PLXNC1: variants seen among roughly 807,000 people sequenced by gnomAD.
PLXNC1 encodes plexin-C1.
Under a neutral mutation model 178.2 loss-of-function variants are expected in PLXNC1, and 75 were observed. The observed-to-expected ratio is 0.42, with a 90% CI of 0.35 to 0.51. The LOEUF (loss-of-function observed/expected upper bound fraction) is 0.51. Ranked by LOEUF, PLXNC1 falls within the 20% of genes least tolerant of loss-of-function variation. PLXNC1 has a pLI of 0.02. For missense variants in PLXNC1, 1,503 were observed against 1,984.4 expected (o/e 0.76, Z 4.61); for synonymous variants, 790 against 779.9 (o/e 1.01, Z -0.22).
At chr12:94,169,722 A>T (rs1416840784) in intron 2 of PLXNC1, among the ~76,000 whole-genome samples, 1 of 152,222 alleles carries the variant, frequency 6.6e-6, no homozygotes, top group East Asian at 1.9e-4. Context: ...AAGAAAAAAC[A>T]GGTGTTCTTT....
chr12:94,246,922 C>T (rs1164195497), intron 12 of PLXNC1, among the ~76,000 whole-genome samples: 1 of 152,078 alleles, frequency 6.6e-6, no homozygotes, highest in East Asian at 1.9e-4. Context: ...AATAGTTTTT[C>T]CCACCTGATA....
chr12:94,212,722 C>CTTTTCT (rs1555199736), intron 5 of PLXNC1, among the ~76,000 whole-genome samples: 7 of 136,164 alleles, frequency 5.1e-5, no homozygotes, highest in African/African-American at 1.4e-4. Flanking sequence ...CTTTTCTTTT[C>CTTTTCT]TTTTTTTTTT....
intron 9 of PLXNC1, among the ~76,000 whole-genome samples, chr12:94,235,026 G>T (rs1340032014): frequency 1.3e-5 from 2 of 152,086 alleles, no homozygotes; most frequent in Admixed American, 1.3e-4. Context: ...TATTTATTTA[G>T]GAGGGTCCTC....
chr12:94,188,475 C>T (rs901516358), intron 4 of PLXNC1, among the ~76,000 whole-genome samples: 4 of 151,978 alleles, frequency 2.6e-5, no homozygotes, highest in Non-Finnish European at 4.4e-5. Flanking sequence ...CGGTACGTGC[C>T]ACCATGCCCG....
At chr12:94,191,254 C>T (rs748582918) in intron 4 of PLXNC1, among the ~76,000 whole-genome samples, 1 of 152,164 alleles carries the variant, frequency 6.6e-6, no homozygotes, top group Admixed American at 6.5e-5. Context: ...AGTCTCATAT[C>T]TGTGACTCAT....
At chr12:94,191,820 GAT>G (rs1425795334) in intron 4 of PLXNC1, among the ~76,000 whole-genome samples, 2 of 151,496 alleles carry the variant, frequency 1.3e-5, no homozygotes, top group African/African-American at 4.9e-5. Flanking sequence ...AAAGCAATTA[GAT>G]AAACAATGAG....
At chr12:94,163,622 G>C (rs1477599125) in intron 1 of PLXNC1, among the ~76,000 whole-genome samples, 1 of 151,942 alleles carries the variant, frequency 6.6e-6, no homozygotes, top group Non-Finnish European at 1.5e-5. Context: ...GAGGGGAGAG[G>C]GTAGAAGGAG....
intron 5 of PLXNC1, among the ~76,000 whole-genome samples, chr12:94,212,306 GAC>G (rs1383070822): frequency 1.4e-5 from 2 of 145,340 alleles, no homozygotes; most frequent in African/African-American, 5.1e-5. Flanking sequence ...AAATAGAAAA[GAC>G]ACAGAAATAA....
chr12:94,291,615 C>A (rs1267823249), intron 23 of PLXNC1, among the ~76,000 whole-genome samples: 1 of 152,252 alleles, frequency 6.6e-6, no homozygotes, highest in East Asian at 1.9e-4. Flanking sequence ...AATTGAGCAA[C>A]CATTGCCACA....
Position 94,149,279 on chromosome 12 carries a change from G to A in PLXNC1, c.308G>A (p.Ser103Asn). ...LAPPARPRPG[S>N]SFSKLLLPYR... ...CCCCCCGCGCGGCCCCGGCCCGGGA[G>A]CAGCTTCAGCAAGCTGCTGCTGCCC... Residue 103 changes from serine to asparagine, a missense_variant, in exon 1 of 31, where the codon AGC (serine) becomes AAC (asparagine). By Grantham distance (46) the Ser-to-Asn change is conservative. Transcript: ENST00000258526. 1 of 1,510,598 alleles carries A rather than the reference G, an allele frequency of 6.6e-7. No homozygotes were observed. Among genetic ancestry groups the A allele is most frequent in the African/African-American group, 1.4e-5 (1 of 69,708 alleles). 93.6% of individuals were successfully genotyped at this position (1,510,598 alleles called of 1,614,324 possible).
In PLXNC1 at chr12:94,297,143, C is replaced by CT. The variant is rs750207188; in HGVS notation, c.3935-39dup. ...GAGAAGGCCGATTAGCCCATGGTTG[C>CT]TTTTTTTAATGGACTGCTTTCTCTC... On this transcript the variant is annotated intron_variant, in intron 24 of 30. Coordinates refer to ENST00000258526, the MANE Select transcript of PLXNC1 (RefSeq NM_005761.3). 5.0e-6 allele frequency: 8 copies of CT among 1,606,144 alleles called. No individual in the cohort carries two copies. In the Admixed American group the frequency reaches 5.0e-5, roughly 10 times the overall value.
rs1037948831 is a variant in PLXNC1, at chr12:94,176,662, G to A, written c.1204-4784G>A. On this transcript the variant is annotated intron_variant, in intron 2 of 30. Coordinates refer to ENST00000258526, the MANE Select transcript of PLXNC1 (RefSeq NM_005761.3). Reference sequence around the variant, plus strand: ...CTCAAAAGAACCAAGAAAATATTCCGTGAAAGGCACCTGGTCTTGACTTCC... The same window carrying A: ...CTCAAAAGAACCAAGAAAATATTCCATGAAAGGCACCTGGTCTTGACTTCC... 4.6e-5 allele frequency among the ~76,000 whole-genome samples: 7 copies of A among 152,176 alleles called. No homozygotes were observed. In the East Asian group the frequency reaches 7.7e-4, roughly 17 times the overall value.
intron 4 of PLXNC1, among the ~76,000 whole-genome samples, chr12:94,208,024 C>T (rs79244922): frequency 3.6e-3 from 553 of 152,220 alleles, no homozygotes; most frequent in Middle Eastern, 6.8e-3. Context: ...CAGATACAAC[C>T]GAAAGAACCA....
intron 28 of PLXNC1, among the ~76,000 whole-genome samples, chr12:94,301,380 T>C (rs182744940): frequency 1.9e-4 from 29 of 152,350 alleles, no homozygotes; most frequent in East Asian, 7.7e-4. Flanking sequence ...TATGCAACCA[T>C]TGAAATTTGC....
chr12:94,212,956 T>A (rs1213964312), intron 5 of PLXNC1, among the ~76,000 whole-genome samples: 1 of 152,196 alleles, frequency 6.6e-6, no homozygotes, highest in African/African-American at 2.4e-5. Context: ...CCTGACCTCG[T>A]GATCTGCCCG....
intron 23 of PLXNC1, among the ~76,000 whole-genome samples, chr12:94,290,941 C>T (rs769587635): frequency 1.3e-5 from 2 of 152,102 alleles, no homozygotes; most frequent in Non-Finnish European, 2.9e-5. Flanking sequence ...TCTTGCCACC[C>T]GTTTGTCTTG....
chr12:94,251,770 C>T (rs371571676), intron 15 of PLXNC1, among the ~76,000 whole-genome samples: 2 of 152,116 alleles, frequency 1.3e-5, no homozygotes, highest in African/African-American at 2.4e-5. Context: ...GCGGGCGGAT[C>T]GCCTTGAGGT....
At chr12:94,226,475 T>G (rs914990195) in intron 7 of PLXNC1, 130 bp from the exon 8 acceptor site, 10 of 618,714 alleles carry the variant, frequency 1.6e-5, no homozygotes, top group Middle Eastern at 2.8e-4. Context: ...CTCACAGGAA[T>G]GTCTGTCCAG....
At chr12:94,225,568 A>G (rs922648039) in intron 7 of PLXNC1, among the ~76,000 whole-genome samples, 2 of 152,234 alleles carry the variant, frequency 1.3e-5, no homozygotes, top group African/African-American at 4.8e-5. Context: ...ATAGAATTAT[A>G]TAGCTCAAAG....
Sources: allele counts gnomAD v4.1 joint callset (sites outside exome capture counted in the v4.1 genomes callset), GRCh38; gene constraint gnomAD v4.1.1; transcripts MANE v1.5; gene names NCBI Gene and HGNC (gene_info 2026-07-23, HGNC 2026-07-21).